TP63: variants seen among roughly 807,000 people sequenced by gnomAD.
TP63 encodes tumor protein p63, also known as tumor protein 63.
TP63 carries 17 observed loss-of-function variants against 82.8 expected under a neutral mutation model. That is an observed-to-expected ratio of 0.21 (90% CI 0.14 to 0.31). The LOEUF is 0.31. Among genes scored for constraint, TP63 ranks in the 10% least tolerant of loss-of-function variants. TP63 has a pLI of 1.00. For missense variants in TP63, 648 were observed against 895.3 expected, an observed-to-expected ratio of 0.72 and a Z score of 3.52; for synonymous variants, 330 against 321.7, an observed-to-expected ratio of 1.03 and a Z score of -0.28.
chr3:189,764,623 C>T (rs1576902891), intron 3 of TP63, among the ~76,000 whole-genome samples: 1 of 152,096 alleles, frequency 6.6e-6, no homozygotes, highest in East Asian at 1.9e-4. Flanking sequence ...CTTTTGTCTA[C>T]TAAAGTTATC....
At chr3:189,827,004 G>C (rs985309671) in intron 4 of TP63, among the ~76,000 whole-genome samples, 2 of 152,172 alleles carry the variant, frequency 1.3e-5, no homozygotes, top group African/African-American at 4.8e-5. Flanking sequence ...TTTCTCTTCT[G>C]TGAGGTGAAA....
chr3:189,633,981 T>C (rs1323066947), intron 1 of TP63, among the ~76,000 whole-genome samples: 4 of 152,156 alleles, frequency 2.6e-5, no homozygotes, highest in African/African-American at 9.7e-5. Flanking sequence ...ATTATTACTA[T>C]TTTCCAACCT....
the TP63 span, among the ~76,000 whole-genome samples, chr3:189,609,710 C>T: frequency 6.6e-6 from 1 of 152,130 alleles, no homozygotes; most frequent in Admixed American, 6.6e-5. Context: ...AAGACTTGAT[C>T]ATGTTCTTCT....
intron 1 of TP63, among the ~76,000 whole-genome samples, chr3:189,658,490 A>G (rs1713586404): frequency 6.6e-6 from 1 of 152,054 alleles, no homozygotes; most frequent in South Asian, 2.1e-4. Flanking sequence ...ACAGGTGATC[A>G]AGAAAAATAT....
intron 1 of TP63, among the ~76,000 whole-genome samples, chr3:189,658,611 G>A (rs573606961): frequency 6.6e-6 from 1 of 152,096 alleles, no homozygotes; most frequent in South Asian, 2.1e-4. Flanking sequence ...TTCTAATCAT[G>A]AGAAAACATT....
intron 3 of TP63, among the ~76,000 whole-genome samples, chr3:189,758,425 G>A (rs1722343877): frequency 6.6e-6 from 1 of 152,208 alleles, no homozygotes; most frequent in African/African-American, 2.4e-5. Context: ...TGCACATGCA[G>A]CCCCTCCTTA....
chr3:189,892,978 C>T (rs1000683507), intron 13 of TP63, among the ~76,000 whole-genome samples: 3 of 152,096 alleles, frequency 2.0e-5, no homozygotes, highest in Non-Finnish European at 2.9e-5. Flanking sequence ...TTTTCTCCTC[C>T]TCACCTCAGC....
At chr3:189,613,442 A>G in the TP63 span, among the ~76,000 whole-genome samples, 11,754 of 152,294 alleles carry the variant, frequency 0.077, 550 homozygotes, top group Middle Eastern at 0.21. Flanking sequence ...CAGAAGATAT[A>G]TGAAAATGCC....
intron 1 of TP63, among the ~76,000 whole-genome samples, chr3:189,649,673 A>C (rs574274953): frequency 4.1e-5 from 6 of 146,912 alleles, no homozygotes; most frequent in Non-Finnish European, 7.4e-5. Flanking sequence ...ATGGTCATCT[A>C]ATAAGGCCTG....
At chr3:189,607,970 C>T in the TP63 span, among the ~76,000 whole-genome samples, 2 of 151,952 alleles carry the variant, frequency 1.3e-5, no homozygotes, top group Non-Finnish European at 2.9e-5. Context: ...GTGTACTAGA[C>T]TTGAGAGGTT....
the TP63 span, among the ~76,000 whole-genome samples, chr3:189,612,462 C>A: frequency 1.3e-5 from 2 of 152,212 alleles, no homozygotes; most frequent in African/African-American, 4.8e-5. Context: ...GCCTTCCCAG[C>A]CATGTGGAAC....
chr3:189,759,002 A>G (rs1047221584), intron 3 of TP63, among the ~76,000 whole-genome samples: 49 of 152,250 alleles, frequency 3.2e-4, no homozygotes, highest in African/African-American at 1.0e-3. Context: ...TTCAGTAATG[A>G]TAACATAATG....
chr3:189,881,400 A>G lies in TP63; in HGVS notation c.1350-4994A>G. 3.0e-6 allele frequency: 3 copies of G among 985,226 alleles called. No individual in the cohort carries two copies. The South Asian group carries it at 1.4e-4, about 46-fold the overall frequency. 61.0% of individuals were successfully genotyped at this position (985,226 alleles called of 1,614,324 possible). Reference sequence around the variant, plus strand: ...TCCCACACCCAGTCACCAGCACTGTATTTTCTGTCACCAAGACAATGATTT... The same window carrying G: ...TCCCACACCCAGTCACCAGCACTGTGTTTTCTGTCACCAAGACAATGATTT... On this transcript the variant is annotated intron_variant, in intron 10 of 13. Coordinates refer to ENST00000264731, the MANE Select transcript of TP63 (RefSeq NM_003722.5).
the TP63 span, among the ~76,000 whole-genome samples, chr3:189,600,014 T>C: frequency 2.0e-5 from 3 of 152,200 alleles, no homozygotes; most frequent in Non-Finnish European, 4.4e-5. Context: ...TACTATACCA[T>C]TTCAAAATCA....
chr3:189,876,071 C>T (rs1719186594), intron 10 of TP63, among the ~76,000 whole-genome samples: 1 of 152,096 alleles, frequency 6.6e-6, no homozygotes, highest in African/African-American at 2.4e-5. Context: ...TGGTGAATTT[C>T]TAACCTTAAC....
chr3:189,665,037 G>A (rs1234744967), intron 1 of TP63, among the ~76,000 whole-genome samples: 2 of 151,954 alleles, frequency 1.3e-5, no homozygotes, highest in African/African-American at 4.8e-5. Context: ...TAGAATGAAA[G>A]CATAAATAAC....
At chr3:189,603,452 C>G in the TP63 span, among the ~76,000 whole-genome samples, 1 of 151,704 alleles carries the variant, frequency 6.6e-6, no homozygotes, top group South Asian at 2.1e-4. Context: ...ACTAATTCTA[C>G]TTAGTGTTAA....
chr3:189,609,807 G>A, the TP63 span, among the ~76,000 whole-genome samples: 1 of 152,084 alleles, frequency 6.6e-6, no homozygotes, highest in African/African-American at 2.4e-5. Context: ...TTGATTCCAT[G>A]TCTTTGCTAT....
intron 1 of TP63, among the ~76,000 whole-genome samples, chr3:189,731,659 TTTCAG>T (rs1720183673): frequency 6.6e-6 from 1 of 152,224 alleles, no homozygotes; most frequent in African/African-American, 2.4e-5. Context: ...CTCTTGATGT[TTTCAG>T]TTCACTTCTG....
Sources: allele counts gnomAD v4.1 joint callset (sites outside exome capture counted in the v4.1 genomes callset), GRCh38; gene constraint gnomAD v4.1.1; transcripts MANE v1.5; gene names NCBI Gene and HGNC (gene_info 2026-07-23, HGNC 2026-07-21).